MAP4: variants seen among roughly 807,000 people sequenced by gnomAD.
The protein encoded by MAP4 is microtubule associated protein 4, also known as microtubule-associated protein 4.
A neutral mutation model predicts 170.2 loss-of-function variants in MAP4; 76 were observed. The observed-to-expected ratio is 0.45, with a 90% CI of 0.37 to 0.54. The LOEUF is 0.54. Ranked by LOEUF, MAP4 falls within the 20% of genes least tolerant of loss-of-function variation. The probability of loss-of-function intolerance (pLI) is 0.00; values close to 1 mark genes in which losing one functional copy is unlikely to be tolerated. For missense variants in MAP4, 2,506 were observed against 2,748.0 expected (o/e 0.91, Z 1.97); for synonymous variants, 909 against 994.5 (o/e 0.91, Z 1.62).
At chr3:47,873,409 AG>A (rs2094165982) in intron 12 of MAP4, among the ~76,000 whole-genome samples, 1 of 152,214 alleles carries the variant, frequency 6.6e-6, no homozygotes, top group Non-Finnish European at 1.5e-5. Context: ...TCACAGACAC[AG>A]TGGGCTCAGC....
intron 12 of MAP4, among the ~76,000 whole-genome samples, chr3:47,872,385 G>A (rs1488571291): frequency 1.3e-5 from 2 of 152,010 alleles, no homozygotes; most frequent in Admixed American, 1.3e-4. Flanking sequence ...GGGTTTCACC[G>A]TGTTAGCCAG....
chr3:48,057,775 G>A (rs1035119844), intron 1 of MAP4, among the ~76,000 whole-genome samples: 3 of 152,076 alleles, frequency 2.0e-5, no homozygotes, highest in Admixed American at 1.3e-4. Flanking sequence ...CAATACCCTG[G>A]TTGTGATATT....
Position 47,852,657 on chromosome 3 carries a change from C to G in MAP4, c.*277G>C, listed in dbSNP as rs927300775. The G allele has an allele frequency of 7.1e-6, 9 of 1,275,226 alleles. No individual in the cohort carries two copies. The African/African-American group carries it at 1.0e-4, about 15-fold the overall frequency. 79.0% of individuals were successfully genotyped at this position (1,275,226 alleles called of 1,614,324 possible). On this transcript the variant is annotated 3_prime_UTR_variant, in exon 21 of 21. Transcript: ENST00000683076. ...CAGTGGCGCAGTGATGGGGCAAGAC[C>G]AAAGCAGGGAGATGGGCCCAGGCTG...
At chr3:48,006,557 A>C (rs1426431342) in intron 1 of MAP4, among the ~76,000 whole-genome samples, 2 of 152,286 alleles carry the variant, frequency 1.3e-5, no homozygotes, top group Admixed American at 6.5e-5. Context: ...CAAAACCCCC[A>C]CACTGGCTCC....
chr3:47,897,069 G>A (rs1443311406), intron 10 of MAP4, among the ~76,000 whole-genome samples: 1 of 152,182 alleles, frequency 6.6e-6, no homozygotes, highest in Non-Finnish European at 1.5e-5. Context: ...CTGACTGCCA[G>A]TCTTCCCAAA....
chr3:48,076,445 T>C (rs559079425), intron 1 of MAP4, among the ~76,000 whole-genome samples: 32 of 148,574 alleles, frequency 2.2e-4, no homozygotes, highest in Non-Finnish European at 3.7e-4. Flanking sequence ...GAGCTTACAG[T>C]GAGCAGAGAT....
intron 1 of MAP4, among the ~76,000 whole-genome samples, chr3:48,071,485 G>A (rs1248595496): frequency 6.6e-6 from 1 of 152,006 alleles, no homozygotes. Flanking sequence ...GAAGGTCAAG[G>A]CTGCAATGAG....
upstream of MAP4, chr3:48,016,449 C>G (rs1300355847): frequency 6.6e-6 from 1 of 152,166 alleles, no homozygotes; most frequent in Non-Finnish European, 1.5e-5. Flanking sequence ...GAAGAACACA[C>G]CAGATACCTC....
chr3:47,890,959 C>G (rs1425567375), intron 10 of MAP4: 50 of 1,313,050 alleles, frequency 3.8e-5, no homozygotes, highest in Non-Finnish European at 5.0e-5. Flanking sequence ...TGCCGGTAAT[C>G]TGTCACTTTG....
intron 1 of MAP4, among the ~76,000 whole-genome samples, chr3:48,006,274 G>A (rs2100102267): frequency 6.6e-6 from 1 of 152,152 alleles, no homozygotes; most frequent in Non-Finnish European, 1.5e-5. Flanking sequence ...TTTATGCAGT[G>A]AATCTTTCTC....
At chr3:48,055,879 G>A (rs1235143559) in intron 1 of MAP4, among the ~76,000 whole-genome samples, 2 of 96,000 alleles carry the variant, frequency 2.1e-5, no homozygotes, top group African/African-American at 3.2e-5. Flanking sequence ...TGTGAGGAGC[G>A]CCTCTGCCCG....
At chr3:47,979,768 TTAAA>T (rs552524156) in intron 2 of MAP4, among the ~76,000 whole-genome samples, 138 of 152,076 alleles carry the variant, frequency 9.1e-4, no homozygotes, top group African/African-American at 3.2e-3. Context: ...GCCATAAGTC[TTAAA>T]TAAGGTAATA....
rs1049022821 is a variant in MAP4, at chr3:47,854,889, C to T, written c.6696+359G>A. Among the ~76,000 whole-genome samples the T allele has an allele frequency of 3.3e-5, 5 of 152,328 alleles. No individual in the cohort carries two copies. In the South Asian group the frequency reaches 6.2e-4, roughly 19 times the overall value. On this transcript the variant is annotated intron_variant, in intron 19 of 20. Coordinates refer to ENST00000683076, the MANE Select transcript of MAP4 (RefSeq NM_001385682.1). ...GGGCGGGAACCCACATTCCCCTTGG[C>T]GCGAGACAGCTGGGGAGAACTGTGT... is the stretch of plus-strand genomic sequence containing the variant.
rs76642401 is a variant in MAP4, at chr3:47,909,184, G to A, written c.5237C>T (p.Pro1746Leu). Residue 1746 changes from proline to leucine, a missense_variant, in exon 9 of 21, where the codon CCA (proline) becomes CTA (leucine). Physicochemically the swap from Pro to Leu is moderately conservative, Grantham distance 98 (BLOSUM62 -3). This residue lies in a region of MAP4 where 2,008 missense variants were observed against 2,206.0 expected (regional missense o/e 0.91). Transcript: ENST00000683076. ...KMTEKSESKT[P>L]GEGKKEDKSR... ...TTTATCTTCCTTTTTCCCTTCTCCT[G>A]GTGTCTTTGATTCAGATTTTTCTGT... 6.2e-7 allele frequency: 1 copy of A among 1,613,730 alleles called. No individual in the cohort carries two copies. The highest frequency in any genetic ancestry group is 1.1e-5 in the South Asian group (1 of 91,072).
At position 47,853,301 on chromosome 3, in the gene MAP4, C is replaced by T; in HGVS notation, c.6748G>A (p.Glu2250Lys). 1 of 1,611,178 alleles carries T rather than the reference C, an allele frequency of 6.2e-7. No homozygotes were observed. Among genetic ancestry groups the T allele is most frequent in the Non-Finnish European group, 8.5e-7 (1 of 1,179,460 alleles). The change falls in exon 20 of 21, where the codon GAG becomes AAG. Residue 2250 changes from glutamate to lysine, a missense_variant. Transcript: ENST00000683076. ...GCTGCCTCAGAGATGGCCGGCTCCT[C>T]CCCAGCAGGGGGACCCGGACACAGA... The part of the protein sequence containing the change: ...APLCPGPPAG[E>K]EPAISEAAPE...
chr3:47,864,384 T>A (rs2075615138), intron 17 of MAP4, among the ~76,000 whole-genome samples: 1 of 151,876 alleles, frequency 6.6e-6, no homozygotes, highest in South Asian at 2.1e-4. Flanking sequence ...CTACTAAAAG[T>A]ACAAAAATTA....
chr3:48,047,187 T>C (rs1333823878), intron 1 of MAP4, among the ~76,000 whole-genome samples: 1 of 152,152 alleles, frequency 6.6e-6, no homozygotes. Context: ...AAGTGTTCAG[T>C]AAATTATAAC....
chr3:47,951,766 A>T (rs768009245), intron 3 of MAP4, among the ~76,000 whole-genome samples: 25 of 150,506 alleles, frequency 1.7e-4, no homozygotes, highest in East Asian at 5.9e-4. Flanking sequence ...TCTGCCCGGC[A>T]GCCACCCCGT....
rs776817404 is a variant in MAP4, at chr3:47,914,930, G to A, written c.1886C>T (p.Thr629Ile). The A allele has an allele frequency of 2.5e-6, 4 of 1,613,872 alleles. No individual in the cohort carries two copies. The highest frequency in any genetic ancestry group is 3.4e-6 in the Non-Finnish European group (4 of 1,180,014). ...PTFMISPETV[T>I]GTGKKCSLPA... ...CAAGCTGCACTTTTTCCCCGTTCCT[G>A]TGACGGTTTCTAAAGGTAATAACAA... The change falls in exon 8 of 21, where the codon ACA becomes ATA. Residue 629 changes from threonine to isoleucine, a missense_variant. By Grantham distance (89) the Thr-to-Ile change is moderately conservative. This residue lies in a region of MAP4 where 2,008 missense variants were observed against 2,206.0 expected (regional missense o/e 0.91). Transcript: ENST00000683076.
Sources: gnomAD v4.1 joint callset for allele counts (sites outside exome capture counted in the v4.1 genomes callset) on GRCh38, gnomAD v4.1.1 for gene constraint, gnomAD v4.1.1 regional missense constraint, MANE v1.5 for transcripts, NCBI Gene and HGNC (gene_info 2026-07-23, HGNC 2026-07-21) for gene names.